Variants in KIAA1958 observed in about 807,000 individuals in gnomAD.
KIAA1958 encodes KIAA1958.
KIAA1958 carries 14 observed loss-of-function variants against 47.2 expected under a neutral mutation model. The observed-to-expected ratio is 0.30, with a 90% CI of 0.20 to 0.46. KIAA1958 has a LOEUF of 0.46. Ranked by LOEUF, KIAA1958 falls within the 20% of genes least tolerant of loss-of-function variation. KIAA1958 has a pLI of 1.00. For synonymous variants in KIAA1958, 354 were observed against 353.3 expected, an observed-to-expected ratio of 1.00 and a Z score of -0.02; for missense variants, 803 against 909.2, an observed-to-expected ratio of 0.88 and a Z score of 1.50.
At chr9:112,584,112 A>T (rs1835783282) in intron 2 of KIAA1958, among the ~76,000 whole-genome samples, 1 of 152,102 alleles carries the variant, frequency 6.6e-6, no homozygotes, top group African/African-American at 2.4e-5. Context: ...TGTTAACAGG[A>T]GGCAACCTTA....
chr9:112,511,127 TGGA>T (rs1237982282), intron 1 of KIAA1958, among the ~76,000 whole-genome samples: 5 of 152,034 alleles, frequency 3.3e-5, no homozygotes, highest in African/African-American at 1.2e-4. Context: ...CAAAAGGAAT[TGGA>T]GATTTGAAGA....
intron 1 of KIAA1958, among the ~76,000 whole-genome samples, chr9:112,535,652 T>C (rs1196216126): frequency 6.6e-6 from 1 of 152,180 alleles, no homozygotes; most frequent in Non-Finnish European, 1.5e-5. Flanking sequence ...TTTTTCATAC[T>C]CTTTTCCATA....
intron 2 of KIAA1958, among the ~76,000 whole-genome samples, chr9:112,616,908 A>G (rs1252799223): frequency 1.3e-5 from 2 of 152,226 alleles, no homozygotes; most frequent in Non-Finnish European, 2.9e-5. Context: ...TATTCTCTCA[A>G]ACCTCATCAT....
intron 3 of KIAA1958, among the ~76,000 whole-genome samples, chr9:112,649,218 T>A (rs1267016674): frequency 2.0e-5 from 3 of 152,142 alleles, no homozygotes; most frequent in Non-Finnish European, 4.4e-5. Context: ...TGAAGTGCAG[T>A]CCAGTCATAG....
chr9:112,623,245 T>G (rs1174384474), intron 2 of KIAA1958, among the ~76,000 whole-genome samples: 1 of 152,228 alleles, frequency 6.6e-6, no homozygotes, highest in Non-Finnish European at 1.5e-5. Context: ...GCACTGACAA[T>G]GTGCCATTGT....
chr9:112,492,623 A>C (rs1833988274), intron 1 of KIAA1958, among the ~76,000 whole-genome samples: 4 of 152,216 alleles, frequency 2.6e-5, no homozygotes, highest in Admixed American at 2.0e-4. Flanking sequence ...CCCAGGCCCC[A>C]ATACATAGCA....
At chr9:112,489,608 G>T (rs1272595125) in intron 1 of KIAA1958, among the ~76,000 whole-genome samples, 1 of 151,972 alleles carries the variant, frequency 6.6e-6, no homozygotes, top group Admixed American at 6.6e-5. Context: ...TGGTAAGTTG[G>T]TGTTGAGGAA....
intron 1 of KIAA1958, among the ~76,000 whole-genome samples, chr9:112,512,430 T>A (rs962903344): frequency 4.6e-5 from 7 of 151,774 alleles, no homozygotes; most frequent in Admixed American, 2.0e-4. Flanking sequence ...GAAAAAAAAA[T>A]TTGAAAAAAT....
At chr9:112,628,704 G>A (rs1019244594) in intron 2 of KIAA1958, among the ~76,000 whole-genome samples, 2 of 152,010 alleles carry the variant, frequency 1.3e-5, no homozygotes, top group Non-Finnish European at 2.9e-5. Flanking sequence ...CCCACCTTTG[G>A]GTCTTACGTA....
chr9:112,548,378 A>C (rs1289409889), intron 1 of KIAA1958, among the ~76,000 whole-genome samples: 32 of 152,160 alleles, frequency 2.1e-4, no homozygotes, highest in Admixed American at 1.9e-3. Flanking sequence ...TACATATTAC[A>C]TGTATTGGTT....
chr9:112,659,378 G>T lies in KIAA1958; in HGVS notation c.1460G>T (p.Arg487Leu). 3.1e-6 allele frequency: 5 copies of T among 1,614,144 alleles called. No homozygotes were observed. Among genetic ancestry groups the T allele is most frequent in the Non-Finnish European group, 4.2e-6 (5 of 1,180,018 alleles). Residue 487 changes from arginine (R) to leucine (L), a missense_variant, in exon 4 of 4, where the codon CGC becomes CTC. This residue lies in a region of KIAA1958 where 761 missense variants were observed against 829.3 expected (regional missense o/e 0.92). Coordinates refer to ENST00000337530, the MANE Select transcript of KIAA1958 (RefSeq NM_133465.4). ...SLHAIRRGLD[R>L]ILKNAGVGFS... ...CATGCTATTCGCCGAGGCCTGGACC[G>T]CATCCTGAAGAATGCAGGTGTCGGC...
At chr9:112,570,495 G>T (rs1835513280) in intron 1 of KIAA1958, among the ~76,000 whole-genome samples, 1 of 152,324 alleles carries the variant, frequency 6.6e-6, no homozygotes, top group East Asian at 1.9e-4. Context: ...CTTGGCTGCT[G>T]CAGTTAAGCA....
At chr9:112,559,188 T>C (rs1418626536) in intron 1 of KIAA1958, among the ~76,000 whole-genome samples, 1 of 152,168 alleles carries the variant, frequency 6.6e-6, no homozygotes, top group Non-Finnish European at 1.5e-5. Context: ...CTTGCAGGAT[T>C]TGGGCTTCAG....
At chr9:112,508,758 G>A (rs893592538) in intron 1 of KIAA1958, among the ~76,000 whole-genome samples, 1 of 152,076 alleles carries the variant, frequency 6.6e-6, no homozygotes, top group East Asian at 1.9e-4. Flanking sequence ...TTTTGAAATC[G>A]GTTTTCTGTT....
intron 2 of KIAA1958, among the ~76,000 whole-genome samples, chr9:112,583,618 T>G (rs1236891182): frequency 6.6e-6 from 1 of 152,222 alleles, no homozygotes; most frequent in African/African-American, 2.4e-5. Context: ...TGATATATTT[T>G]TCAGTGAAAT....
At chr9:112,510,464 C>G (rs984553495) in intron 1 of KIAA1958, among the ~76,000 whole-genome samples, 12 of 152,228 alleles carry the variant, frequency 7.9e-5, no homozygotes, top group Non-Finnish European at 1.6e-4. Context: ...TCTCTTTACA[C>G]TGATCCTGGC....
rs865788219 is a variant in KIAA1958 at position 112,515,882 on chromosome 9, A to G, written c.-25+28764A>G. The stretch of plus-strand genomic sequence containing the variant: ...TGAGAAACACCCAAGAATTATCAAT[A>G]AAAAAATAAATTAAAAAAAAAAAAA... On this transcript the variant is annotated intron_variant, in intron 1 of 3. Transcript: ENST00000337530. Among the ~76,000 whole-genome samples the G allele has an allele frequency of 9.0e-3, 586 of 65,178 alleles. 12 individuals carry two copies. Among genetic ancestry groups the G allele is most frequent in the African/African-American group, 0.039 (561 of 14,436 alleles). The allele number at this position is 65,178 out of a possible 152,430, so 42.8% of individuals were successfully genotyped here. A position where few individuals can be genotyped will look rare whatever the true frequency, so the allele number is the denominator to read the frequency against.
intron 2 of KIAA1958, among the ~76,000 whole-genome samples, chr9:112,583,977 G>C (rs138344720): frequency 8.6e-4 from 131 of 152,170 alleles, no homozygotes; most frequent in African/African-American, 2.9e-3. Flanking sequence ...GAGGTGGGAG[G>C]ATCACTTGAG....
In KIAA1958 at chr9:112,601,595, T is replaced by C. The variant is rs547879571; in HGVS notation, c.1171+26344T>C. ...TCAGTGCCTGGTCTCCTGTACACAT[T>C]TGATGTCTCACCCCCACCTTGCAGC... On this transcript the variant is annotated intron_variant, in intron 2 of 3. Coordinates refer to ENST00000337530, the MANE Select transcript of KIAA1958 (RefSeq NM_133465.4). Among the ~76,000 whole-genome samples the C allele has an allele frequency of 1.1e-3, 170 of 152,312 alleles. 1 individual carries two copies. Among genetic ancestry groups the C allele is most frequent in the African/African-American group, 3.8e-3 (158 of 41,570 alleles).
Sources: allele counts gnomAD v4.1 joint callset (sites outside exome capture counted in the v4.1 genomes callset), GRCh38; gene constraint gnomAD v4.1.1; regional missense constraint gnomAD v4.1.1; transcripts MANE v1.5; gene names NCBI Gene and HGNC (gene_info 2026-07-23, HGNC 2026-07-21).